Variants in PIK3R5 observed in about 807,000 individuals in gnomAD.
The protein encoded by PIK3R5 is phosphoinositide 3-kinase regulatory subunit 5.
PIK3R5 carries 32 observed loss-of-function variants against 94.9 expected under a neutral mutation model. The ratio of observed to expected loss-of-function variants is 0.34; its 90% confidence interval spans 0.25 to 0.45. The LOEUF (loss-of-function observed/expected upper bound fraction) is 0.45, where lower values mean the gene tolerates loss of function less well. Among genes scored for constraint, PIK3R5 ranks in the 20% least tolerant of loss-of-function variants. The pLI is 1.00. For missense variants in PIK3R5, 853 were observed against 1,144.6 expected (o/e 0.75, Z 3.68); for synonymous variants, 443 against 479.4 (o/e 0.92, Z 0.99).
chr17:8,890,902 G>A lies in PIK3R5; in HGVS notation c.493C>T (p.Leu165=). Reference sequence around the variant, plus strand: ...GCCTGCACTTCCACTGGGTTCAGCAGCAGCACGGTGCTGGGGACACAGGGG... The same window carrying A: ...GCCTGCACTTCCACTGGGTTCAGCAACAGCACGGTGCTGGGGACACAGGGG... ...SHRSSTVTVL[L]LNPVEVQAEF... Residue 165 remains leucine (L), a synonymous_variant, in exon 7 of 19, where the codon CTG becomes TTG. Transcript: ENST00000447110. This position sits in a 1 kb window ranked among gnomAD's most constrained non-coding sequence, Gnocchi z 6.1. 6.2e-7 allele frequency: 1 copy of A among 1,613,610 alleles called. No individual in the cohort carries two copies. The highest frequency in any genetic ancestry group is 8.5e-7 in the Non-Finnish European group (1 of 1,179,900).
At chr17:8,887,483 CT>C in intron 11 of PIK3R5, 37 bp downstream of exon 11, 2 of 1,571,768 alleles carry the variant, frequency 1.3e-6, no homozygotes, top group South Asian at 2.3e-5. Context: ...AGCCAGAACT[CT>C]ACTTTCCCCG....
Position 8,887,588 on chromosome 17 carries a change from G to A in PIK3R5, c.1712C>T (p.Ala571Val). ...VKRSHGTSPG[A>V]CPPPRSQTPS... ...CGTCTGGCTCCGAGGGGGTGGACAGGCACCAGGGCTGGTCCCATGACTTCG... is the reference window on the plus strand; with the variant it reads ...CGTCTGGCTCCGAGGGGGTGGACAGACACCAGGGCTGGTCCCATGACTTCG... The change falls in exon 11 of 19, where the codon GCC becomes GTC. Residue 571 changes from alanine (A) to valine (V), a missense_variant. By Grantham distance (64) the Ala-to-Val change is moderately conservative. This residue lies in a region of PIK3R5 where 319 missense variants were observed against 339.8 expected (regional missense o/e 0.94). Coordinates refer to ENST00000447110, the MANE Select transcript of PIK3R5 (RefSeq NM_001142633.3). 1 of 1,609,676 alleles carries A rather than the reference G, an allele frequency of 6.2e-7. No homozygotes were observed. The highest frequency in any genetic ancestry group is 8.5e-7 in the Non-Finnish European group (1 of 1,178,126).
Position 8,925,988 on chromosome 17 carries a change from AC to A in PIK3R5, c.-13-14482del, listed in dbSNP as rs1449494693. Among the ~76,000 whole-genome samples the A allele has an allele frequency of 1.3e-5, 2 of 152,174 alleles. No individual in the cohort carries two copies. Among genetic ancestry groups the A allele is most frequent in the African/African-American group, 4.8e-5 (2 of 41,448 alleles). On this transcript the variant is annotated intron_variant, in intron 1 of 18. Transcript: ENST00000447110. This position sits in a 1 kb window ranked among gnomAD's most constrained non-coding sequence, Gnocchi z 5.1. ...GGTGCTGTGGTCACTGAGGCTGTGA[AC>A]CATGTGAAGCGAGAAGAGTGAGGAG... is the stretch of plus-strand genomic sequence containing the variant.
Position 8,887,563 on chromosome 17 carries a change from C to T in PIK3R5, c.1737G>A (p.Thr579=), listed in dbSNP as rs759022961. ...TAGGGGAGTCTGTCGGGGGTGAGGG[C>T]GTCTGGCTCCGAGGGGGTGGACAGG... is the stretch of plus-strand genomic sequence containing the variant. ...PGACPPPRSQ[T]PSPPTDSPRH... is the part of the protein sequence containing the mutation. The change falls in exon 11 of 19, where the codon ACG becomes ACA. Residue 579 remains threonine, a synonymous_variant. Coordinates refer to ENST00000447110, the MANE Select transcript of PIK3R5 (RefSeq NM_001142633.3). 2.7e-5 allele frequency: 44 copies of T among 1,607,796 alleles called. No individual in the cohort carries two copies. Among genetic ancestry groups the T allele is most frequent in the South Asian group, 2.1e-4 (19 of 89,826 alleles).
At chr17:8,898,988 C>T (rs1407682260) in intron 5 of PIK3R5, among the ~76,000 whole-genome samples, 1 of 152,212 alleles carries the variant, frequency 6.6e-6, no homozygotes, top group Non-Finnish European at 1.5e-5. Flanking sequence ...TTGAAAATTG[C>T]AGAGCGGTTT....
Position 8,925,221 on chromosome 17 carries a change from AGATG to A in PIK3R5, c.-13-13718_-13-13715del, listed in dbSNP as rs1387780600. Among the ~76,000 whole-genome samples, 1 of 151,144 alleles carries A rather than the reference AGATG, an allele frequency of 6.6e-6. No individual in the cohort carries two copies. Among genetic ancestry groups the A allele is most frequent in the African/African-American group, 2.5e-5 (1 of 40,496 alleles). On this transcript the variant is annotated intron_variant, in intron 1 of 18. Transcript: ENST00000447110. This position sits in a 1 kb window ranked among gnomAD's most constrained non-coding sequence, Gnocchi z 5.1. ...GTAGATGGATAGATAGATAGATAGT[AGATG>A]GATAGATAGATAGTAGATGGGTAGA...
At chr17:8,943,123 G>A (rs2091215714) in intron 1 of PIK3R5, among the ~76,000 whole-genome samples, 1 of 151,410 alleles carries the variant, frequency 6.6e-6, no homozygotes, top group Non-Finnish European at 1.5e-5. Flanking sequence ...TGCACAGGCT[G>A]GAGTGCAGTG....
Position 8,884,816 on chromosome 17 carries a change from C to A in PIK3R5, c.2129-33G>T. The A allele has an allele frequency of 1.2e-6, 2 of 1,600,998 alleles. No individual in the cohort carries two copies. Among genetic ancestry groups the A allele is most frequent in the South Asian group, 1.1e-5 (1 of 90,888 alleles). On this transcript the variant is annotated intron_variant, in intron 14 of 18. Coordinates refer to ENST00000447110, the MANE Select transcript of PIK3R5 (RefSeq NM_001142633.3). The surrounding 1 kb of genome is among the most constrained non-coding windows in gnomAD (Gnocchi z 5.8). ...ACACACAGACAGACCCTTCACTACC[C>A]CTGGCTTCCCCGGCTCCTCACGAAC...
intron 12 of PIK3R5, among the ~76,000 whole-genome samples, chr17:8,886,886 C>T (rs1171619756): frequency 6.6e-6 from 1 of 152,186 alleles, no homozygotes. Flanking sequence ...TGAGGGCCCT[C>T]CTCCATCACT....
chr17:8,943,171 C>A (rs117439271), intron 1 of PIK3R5, among the ~76,000 whole-genome samples: 6,561 of 151,646 alleles, frequency 0.043, 195 homozygotes, highest in Non-Finnish European at 0.063. Context: ...AACTCCCAGG[C>A]TCAAATAATC....
rs1223851117 is a variant in PIK3R5, at chr17:8,961,224, G to T, written c.-14+4372C>A. Among the ~76,000 whole-genome samples the T allele has an allele frequency of 3.3e-5, 5 of 152,200 alleles. 1 individual carries two copies. The highest frequency in any genetic ancestry group is 6.5e-5 in the Admixed American group (1 of 15,274). On this transcript the variant is annotated intron_variant, in intron 1 of 18. Transcript: ENST00000447110. ...GGGAGAAGCAACAGCACACGCAAAG[G>T]TGCAGAGGTCTCCTCAGGCTACAGG...
At chr17:8,894,380 A>T (rs917557010) in intron 5 of PIK3R5, among the ~76,000 whole-genome samples, 18 of 151,942 alleles carry the variant, frequency 1.2e-4, no homozygotes, top group Admixed American at 3.3e-4. Flanking sequence ...ACTTTGCCTT[A>T]GCTCCAGCCA....
Position 8,882,039 on chromosome 17 carries a change from A to G in PIK3R5, c.2206-158T>C, listed in dbSNP as rs539576350. On this transcript the variant is annotated intron_variant, in intron 15 of 18. Coordinates refer to ENST00000447110, the MANE Select transcript of PIK3R5 (RefSeq NM_001142633.3). The surrounding 1 kb of genome is among the most constrained non-coding windows in gnomAD (Gnocchi z 4.1). ...AGGGCCCCTGTACCACCCTGGATAGACCTGGATGACTCCAGGGAAGAGCTC... is the reference window on the plus strand; with the variant it reads ...AGGGCCCCTGTACCACCCTGGATAGGCCTGGATGACTCCAGGGAAGAGCTC... 1 of 628,744 alleles carries G rather than the reference A, an allele frequency of 1.6e-6. No individual in the cohort carries two copies. Among genetic ancestry groups the G allele is most frequent in the Admixed American group, 2.6e-5 (1 of 38,390 alleles). The allele number at this position is 628,744 out of a possible 1,614,324, so 38.9% of individuals were successfully genotyped here.
intron 1 of PIK3R5, among the ~76,000 whole-genome samples, chr17:8,957,970 G>A (rs554753967): frequency 3.9e-5 from 6 of 152,254 alleles, no homozygotes; most frequent in East Asian, 1.9e-4. Context: ...AACTGACAAC[G>A]GCAGCACAGA....
In PIK3R5 at chr17:8,892,539, A is replaced by C. The variant is rs1235412509; in HGVS notation, c.482+1047T>G. ...AGGATTAAATGAGTCAGCACATGTA[A>C]CCATGCTTAGGATGGTGCCTGGAGT... is the stretch of plus-strand genomic sequence containing the variant. On this transcript the variant is annotated intron_variant, in intron 6 of 18. Coordinates refer to ENST00000447110, the MANE Select transcript of PIK3R5 (RefSeq NM_001142633.3). This position sits in a 1 kb window ranked among gnomAD's most constrained non-coding sequence, Gnocchi z 4.3. 6.6e-6 allele frequency among the ~76,000 whole-genome samples: 1 copy of C among 152,074 alleles called. No individual in the cohort carries two copies. The highest frequency in any genetic ancestry group is 1.5e-5 in the Non-Finnish European group (1 of 68,014).
intron 5 of PIK3R5, among the ~76,000 whole-genome samples, chr17:8,897,608 C>T (rs2090181474): frequency 6.6e-6 from 1 of 152,220 alleles, no homozygotes; most frequent in Non-Finnish European, 1.5e-5. Context: ...GTGGCAGAGA[C>T]TTCTAGGCAT....
In PIK3R5 at chr17:8,893,224, C is replaced by T. The variant is rs2090069842; in HGVS notation, c.482+362G>A. ...TCTGAATAAGCCTGAGGGTTAAATT[C>T]TGGCTCGTACCCTTGCTCGCTGTGT... is the stretch of plus-strand genomic sequence containing the variant. On this transcript the variant is annotated intron_variant, in intron 6 of 18. Transcript: ENST00000447110. The surrounding 1 kb of genome is among the most constrained non-coding windows in gnomAD (Gnocchi z 5.1). Among the ~76,000 whole-genome samples, 1 of 152,134 alleles carries T rather than the reference C, an allele frequency of 6.6e-6. No individual in the cohort carries two copies. The highest frequency in any genetic ancestry group is 2.1e-4 in the South Asian group (1 of 4,832).
intron 1 of PIK3R5, among the ~76,000 whole-genome samples, chr17:8,933,335 TGAA>T (rs1308542196): frequency 2.6e-5 from 4 of 152,260 alleles, no homozygotes; most frequent in African/African-American, 9.6e-5. Context: ...GGTTGGGAAG[TGAA>T]GAAAGTTATA....
Position 8,889,298 on chromosome 17 carries a change from T to C in PIK3R5, c.812-76A>G. 1.9e-6 allele frequency: 2 copies of C among 1,073,118 alleles called. No homozygotes were observed. Among genetic ancestry groups the C allele is most frequent in the Non-Finnish European group, 2.8e-6 (2 of 722,886 alleles). 66.5% of individuals were successfully genotyped at this position (1,073,118 alleles called of 1,614,324 possible). On this transcript the variant is annotated intron_variant, in intron 8 of 18. Coordinates refer to ENST00000447110, the MANE Select transcript of PIK3R5 (RefSeq NM_001142633.3). This position sits in a 1 kb window ranked among gnomAD's most constrained non-coding sequence, Gnocchi z 4.1. ...ATTGGCCAGTCCAGTCCCCTTGCCT[T>C]GGAGAAGAGACCAGAGATGGGACAG...
Sources: gnomAD v4.1 joint callset for allele counts (sites outside exome capture counted in the v4.1 genomes callset) on GRCh38, gnomAD v4.1.1 for gene constraint, gnomAD v4.1.1 regional missense constraint, Gnocchi (gnomAD v3.1) non-coding constraint, MANE v1.5 for transcripts, NCBI Gene and HGNC (gene_info 2026-07-23, HGNC 2026-07-21) for gene names.